The following ALG12 variants were observed in gnomAD, a reference collection of about 807,000 sequenced individuals.
The protein encoded by ALG12 is ALG12 alpha-1,6-mannosyltransferase, also known as dol-P-Man:Man(7)GlcNAc(2)-PP-Dol alpha-1,6-mannosyltransferase.
A neutral mutation model predicts 46.0 loss-of-function variants in ALG12; 36 were observed. The observed-to-expected ratio is 0.78, with a 90% confidence interval of 0.60 to 1.03. The LOEUF is 1.03. ALG12 is among the 50% of genes least tolerant of loss of function. The pLI, the probability that ALG12 is intolerant of heterozygous loss-of-function variation, is 0.00. For missense variants in ALG12, 599 were observed against 633.5 expected, an observed-to-expected ratio of 0.95 and a Z score of 0.58; for synonymous variants, 326 against 291.6, an observed-to-expected ratio of 1.12 and a Z score of -1.20.
At chr22:49,894,552 G>C in the ALG12 span, among the ~76,000 whole-genome samples, 1 of 152,228 alleles carries the variant, frequency 6.6e-6, no homozygotes. Flanking sequence ...CCTCAGGCAG[G>C]AGGACTCATT....
At chr22:49,892,572 G>A in the ALG12 span, among the ~76,000 whole-genome samples, 2 of 152,326 alleles carry the variant, frequency 1.3e-5, no homozygotes, top group South Asian at 4.1e-4. Flanking sequence ...AGGCTGGAAA[G>A]CTGAGACATC....
At chr22:49,880,899 T>C in the ALG12 span, among the ~76,000 whole-genome samples, 2 of 152,208 alleles carry the variant, frequency 1.3e-5, no homozygotes, top group Non-Finnish European at 2.9e-5. Context: ...GCCTTTAATT[T>C]CAGCAGTGTT....
the ALG12 span, among the ~76,000 whole-genome samples, chr22:49,881,329 C>T: frequency 1.3e-5 from 2 of 152,346 alleles, no homozygotes; most frequent in Admixed American, 6.5e-5. Context: ...GCAGCCTGGG[C>T]GACAGAGTGA....
the ALG12 span, among the ~76,000 whole-genome samples, chr22:49,859,750 G>T: frequency 4.6e-5 from 7 of 152,232 alleles, no homozygotes; most frequent in African/African-American, 1.7e-4. Flanking sequence ...GTTTTGCGGG[G>T]TGTGGTGGCT....
intron 3 of ALG12, among the ~76,000 whole-genome samples, chr22:49,911,004 G>A (rs182625141): frequency 1.3e-5 from 2 of 152,358 alleles, no homozygotes; most frequent in East Asian, 1.9e-4. Context: ...GAGGTGGGAT[G>A]TGGCAGGAAC....
chr22:49,885,520 G>C, the ALG12 span: 6 of 1,609,138 alleles, frequency 3.7e-6, no homozygotes, highest in Non-Finnish European at 5.1e-6. Context: ...CTCGGAGACG[G>C]CTCGGCCCTC....
chr22:49,885,742 C>T, the ALG12 span: 9 of 1,603,558 alleles, frequency 5.6e-6, no homozygotes, highest in Admixed American at 1.4e-4. Context: ...TCAGTACTCC[C>T]TCCCCGCCCC....
intron 7 of ALG12, among the ~76,000 whole-genome samples, chr22:49,904,889 G>A (rs528335393): frequency 2.9e-4 from 44 of 152,178 alleles, no homozygotes; most frequent in African/African-American, 1.0e-3. Context: ...ACAGGTGCAC[G>A]CCACCATGCC....
the ALG12 span, among the ~76,000 whole-genome samples, chr22:49,873,684 T>C: frequency 1.5e-5 from 2 of 137,842 alleles, no homozygotes; most frequent in African/African-American, 6.7e-5. Context: ...CGAGGTGCGG[T>C]GATATGAGGT....
chr22:49,883,837 G>C, the ALG12 span: 484 of 1,611,416 alleles, frequency 3.0e-4, 4 homozygotes, highest in African/African-American at 4.6e-3. Flanking sequence ...TGGGGAGCGA[G>C]CGGGCCTCGG....
the ALG12 span, among the ~76,000 whole-genome samples, chr22:49,892,268 G>C: frequency 1.3e-5 from 2 of 150,238 alleles, no homozygotes; most frequent in African/African-American, 4.9e-5. Context: ...CAAAATCCTA[G>C]TAAGATGAGA....
the ALG12 span, among the ~76,000 whole-genome samples, chr22:49,869,148 G>A: frequency 2.0e-5 from 3 of 151,164 alleles, no homozygotes; most frequent in African/African-American, 7.3e-5. Context: ...GAAAAATCAC[G>A]GTTGTGGAAA....
At chr22:49,877,341 G>A in the ALG12 span, among the ~76,000 whole-genome samples, 2 of 151,792 alleles carry the variant, frequency 1.3e-5, no homozygotes, top group Non-Finnish European at 2.9e-5. Context: ...GCCCAGGCTG[G>A]AGTGCAGTGG....
In ALG12 at chr22:49,903,643, G is replaced by A. The variant is rs569508410; in HGVS notation, c.*195C>T. The A allele has an allele frequency of 1.9e-5, 14 of 739,980 alleles. No individual in the cohort carries two copies. The highest frequency in any genetic ancestry group is 1.0e-4 in the African/African-American group (6 of 58,050). 45.8% of individuals were successfully genotyped at this position (739,980 alleles called of 1,614,324 possible). ...GGTGCCAACAAGACCTGGGCCCCTC[G>A]TTCTTTGGTGCTGAGAGCCCCAGCT... is the stretch of plus-strand genomic sequence containing the variant. On this transcript the variant is annotated 3_prime_UTR_variant, in exon 10 of 10. Transcript: ENST00000330817.
At chr22:49,891,891 C>T in the ALG12 span, among the ~76,000 whole-genome samples, 782 of 152,316 alleles carry the variant, frequency 5.1e-3, 3 homozygotes, top group African/African-American at 0.018. Context: ...ATTCCCTTCT[C>T]TTCCACTTCT....
the ALG12 span, chr22:49,890,047 T>TA: frequency 2.4e-5 from 4 of 166,682 alleles, no homozygotes; most frequent in African/African-American, 7.2e-5. Context: ...TAAAAGATGA[T>TA]AAAAAAATAA....
Position 49,903,473 on chromosome 22 carries a change from G to A in ALG12, c.*365C>T, listed in dbSNP as rs2060525360. ...GCCAAAATACAGCTCCCCCTGGGTG[G>A]GCAGGACACACGTGGCCTCCTGGCA... On this transcript the variant is annotated 3_prime_UTR_variant, in exon 10 of 10. Coordinates refer to ENST00000330817, the MANE Select transcript of ALG12 (RefSeq NM_024105.4). 2.1e-6 allele frequency: 1 copy of A among 482,880 alleles called. No individual in the cohort carries two copies. The highest frequency in any genetic ancestry group is 4.1e-6 in the Non-Finnish European group (1 of 244,738). 29.9% of individuals were successfully genotyped at this position (482,880 alleles called of 1,614,324 possible).
the ALG12 span, chr22:49,884,904 C>G: frequency 1.3e-5 from 21 of 1,602,222 alleles, no homozygotes; most frequent in Non-Finnish European, 1.6e-5. Context: ...TGGCGGCCTT[C>G]TCATCTTCCG....
the ALG12 span, among the ~76,000 whole-genome samples, chr22:49,881,731 T>G: frequency 1.3e-5 from 2 of 152,094 alleles, no homozygotes; most frequent in African/African-American, 4.8e-5. Context: ...CAGGGTCTTG[T>G]TTTTTTGCCC....
Sources: allele counts gnomAD v4.1 joint callset (sites outside exome capture counted in the v4.1 genomes callset), GRCh38; gene constraint gnomAD v4.1.1; transcripts MANE v1.5; gene names NCBI Gene and HGNC (gene_info 2026-07-23, HGNC 2026-07-21).